NSD1: variants seen among roughly 807,000 people sequenced by gnomAD.
NSD1 encodes the protein nuclear receptor binding SET domain protein 1.
NSD1 carries 26 observed loss-of-function variants against 242.7 expected under a neutral mutation model. That is an observed-to-expected ratio of 0.11 (90% CI 0.08 to 0.15). The LOEUF is 0.15. Ranked by LOEUF, NSD1 falls within the 10% of genes least tolerant of loss-of-function variation. NSD1 has a pLI of 1.00. For missense variants in NSD1, 2,495 were observed against 3,272.8 expected (o/e 0.76, Z 5.80); for synonymous variants, 1,106 against 1,178.1 (o/e 0.94, Z 1.25).
chr5:177,135,816 A>T lies in NSD1; in HGVS notation c.713A>T (p.Asn238Ile), dbSNP rs1756273738. 1 of 1,608,418 alleles carries T rather than the reference A, an allele frequency of 6.2e-7. No individual in the cohort carries two copies. The highest frequency in any genetic ancestry group is 1.3e-5 in the African/African-American group (1 of 74,782). The change falls in exon 2 of 23, where the codon AAT (asparagine) becomes ATT (isoleucine). Residue 238 changes from asparagine to isoleucine, a missense_variant. By Grantham distance (149) the Asn-to-Ile change is moderately radical. This residue lies in a region of NSD1 where 376 missense variants were observed against 367.4 expected (regional missense o/e 1.02). Coordinates refer to ENST00000439151, the MANE Select transcript of NSD1 (RefSeq NM_022455.5). ...GCTCCTCAGACTGAAACACAGAAAA[A>T]TAAGCAAAGAAATGAAGTGGACGGC... ...PLAPQTETQKNKQRNEVDGSN... is the reference protein window; with the variant it reads ...PLAPQTETQKIKQRNEVDGSN...
Position 177,269,032 on chromosome 5 carries a change from T to G in NSD1, c.5304-570T>G, listed in dbSNP as rs1757742897. Reference sequence around the variant, plus strand: ...CTCTAGGGCATTCTCTGGAGTAAAGTAGGTAGATAGAGGTTTCCAGCTTTA... The same window carrying G: ...CTCTAGGGCATTCTCTGGAGTAAAGGAGGTAGATAGAGGTTTCCAGCTTTA... On this transcript the variant is annotated intron_variant, in intron 15 of 22. Coordinates refer to ENST00000439151, the MANE Select transcript of NSD1 (RefSeq NM_022455.5). The surrounding 1 kb of genome is among the most constrained non-coding windows in gnomAD (Gnocchi z 5.1). 6.6e-6 allele frequency among the ~76,000 whole-genome samples: 1 copy of G among 152,152 alleles called. No individual in the cohort carries two copies. The highest frequency in any genetic ancestry group is 1.5e-5 in the Non-Finnish European group (1 of 68,030).
Position 177,211,220 on chromosome 5 carries a change from C to G in NSD1, c.2821C>G (p.Arg941Gly), listed in dbSNP as rs749488131. 1 of 1,613,960 alleles carries G rather than the reference C, an allele frequency of 6.2e-7. No homozygotes were observed. The highest frequency in any genetic ancestry group is 8.5e-7 in the Non-Finnish European group (1 of 1,179,958). The change falls in exon 5 of 23, where the codon CGT becomes GGT. Residue 941 changes from arginine (R) to glycine (G), a missense_variant. Transcript: ENST00000439151. ...QNLVSYRSPG[R>G]GDCSTNSPVG... Reference sequence around the variant, plus strand: ...CCTGGTCTCTTACCGGAGTCCTGGTCGTGGGGACTGTTCTACTAATAGTCC... The same window carrying G: ...CCTGGTCTCTTACCGGAGTCCTGGTGGTGGGGACTGTTCTACTAATAGTCC...
At position 177,235,538 on chromosome 5, in the gene NSD1, T is replaced by C. The variant is rs116559875; in HGVS notation, c.3797-283T>C. On this transcript the variant is annotated intron_variant, in intron 5 of 22. Transcript: ENST00000439151. ...TTATATGTACAGGTGTCAGTGACTA[T>C]AAGACCTGGCTTTAAATTTAACCTT... Among the ~76,000 whole-genome samples, 652 of 152,346 alleles carry C rather than the reference T, an allele frequency of 4.3e-3. 3 individuals carry two copies. Among genetic ancestry groups the C allele is most frequent in the African/African-American group, 0.014 (596 of 41,582 alleles).
rs760425725 is a variant in NSD1, at chr5:177,135,340, C to T, written c.237C>T (p.Ala79=). 6.2e-7 allele frequency: 1 copy of T among 1,611,812 alleles called. No homozygotes were observed. Residue 79 remains alanine (A), a synonymous_variant, in exon 2 of 23, where the codon GCC becomes GCT. Coordinates refer to ENST00000439151, the MANE Select transcript of NSD1 (RefSeq NM_022455.5). ...YIPLRRLQDL[A]SMINVEYLNG... ...CACTGCGGAGACTACAGGATTTGGC[C>T]TCCATGATCAATGTAGAGTATTTAA...
chr5:177,259,430 C>T (rs1367617712), intron 13 of NSD1, among the ~76,000 whole-genome samples: 1 of 152,272 alleles, frequency 6.6e-6, no homozygotes, highest in Admixed American at 6.5e-5. Flanking sequence ...GAGGTCACGT[C>T]CAGCCTTGGC....
At chr5:177,246,122 C>T (rs932628228) in intron 9 of NSD1, among the ~76,000 whole-genome samples, 8 of 151,972 alleles carry the variant, frequency 5.3e-5, no homozygotes, top group African/African-American at 1.9e-4. Context: ...AGGCATGCAC[C>T]ACCATGCCTG....
At chr5:177,241,332 A>C (rs1344188871) in intron 8 of NSD1, among the ~76,000 whole-genome samples, 1 of 150,660 alleles carries the variant, frequency 6.6e-6, no homozygotes, top group Non-Finnish European at 1.5e-5. Flanking sequence ...CCCCGTCTCT[A>C]CTAATAATAC....
chr5:177,185,789 T>TA (rs1562171239), intron 2 of NSD1, among the ~76,000 whole-genome samples: 1 of 23,796 alleles, frequency 4.2e-5, no homozygotes, highest in Admixed American at 8.6e-4. Flanking sequence ...TATATGTATA[T>TA]TATATATATA....
At chr5:177,193,202 G>A (rs1266395693) in intron 3 of NSD1, among the ~76,000 whole-genome samples, 7 of 151,986 alleles carry the variant, frequency 4.6e-5, no homozygotes, top group Admixed American at 3.9e-4. Flanking sequence ...GTGCAGTGGC[G>A]TGATCTCGGC....
chr5:177,206,193 T>C (rs1762858229), intron 4 of NSD1, among the ~76,000 whole-genome samples: 1 of 152,146 alleles, frequency 6.6e-6, no homozygotes, highest in South Asian at 2.1e-4. Context: ...AGAGACAGGG[T>C]TTCACCATGT....
At chr5:177,206,609 A>G (rs1581301765) in intron 4 of NSD1, among the ~76,000 whole-genome samples, 1 of 152,204 alleles carries the variant, frequency 6.6e-6, no homozygotes, top group Non-Finnish European at 1.5e-5. Context: ...AGTATAAAAT[A>G]CTTAATATGA....
chr5:177,295,412 A>T lies in NSD1; in HGVS notation c.8044A>T (p.Asn2682Tyr). ...AGAGCAAAATACACTTCCAGCTCTT[A>T]ACCAGGCTCCTTCCAGTCACAAGTG... ...KPEQNTLPAL[N>Y]QAPSSHKCAE... The change falls in exon 23 of 23, where the codon AAC becomes TAC. Residue 2682 changes from asparagine (N) to tyrosine (Y), a missense_variant. Asn to Tyr is a moderately radical substitution (Grantham distance 143, BLOSUM62 -2). This residue lies in a region of NSD1 where 475 missense variants were observed against 563.7 expected (regional missense o/e 0.84). Transcript: ENST00000439151. The surrounding 1 kb of genome is among the most constrained non-coding windows in gnomAD (Gnocchi z 4.3). 1 of 1,614,216 alleles carries T rather than the reference A, an allele frequency of 6.2e-7. No individual in the cohort carries two copies. Among genetic ancestry groups the T allele is most frequent in the Non-Finnish European group, 8.5e-7 (1 of 1,180,038 alleles).
chr5:177,168,209 A>T (rs1759365835), intron 2 of NSD1, among the ~76,000 whole-genome samples: 1 of 152,136 alleles, frequency 6.6e-6, no homozygotes, highest in Admixed American at 6.6e-5. Context: ...AGCCTAGGTT[A>T]AATTTATTCA....
At chr5:177,138,674 T>C (rs1439213859) in intron 2 of NSD1, among the ~76,000 whole-genome samples, 5 of 148,516 alleles carry the variant, frequency 3.4e-5, no homozygotes, top group South Asian at 2.1e-4. Flanking sequence ...AGTTTCACTC[T>C]TGTTGCCCAG....
intron 3 of NSD1, among the ~76,000 whole-genome samples, chr5:177,195,611 G>A (rs1762048339): frequency 6.6e-6 from 1 of 152,162 alleles, no homozygotes; most frequent in African/African-American, 2.4e-5. Context: ...GGGGCTACAG[G>A]CATTCGCCAC....
intron 5 of NSD1, among the ~76,000 whole-genome samples, chr5:177,225,345 A>G (rs574074940): frequency 8.0e-4 from 121 of 151,898 alleles, no homozygotes; most frequent in Non-Finnish European, 1.3e-3. Context: ...GTTTCACCAT[A>G]TTGGCCAGGC....
intron 5 of NSD1, among the ~76,000 whole-genome samples, chr5:177,234,372 A>G (rs1178044272): frequency 1.3e-5 from 2 of 152,192 alleles, no homozygotes; most frequent in Admixed American, 1.3e-4. Context: ...TTGAAGGACC[A>G]GAGCAGTGTT....
At chr5:177,190,852 A>T (rs571535674) in intron 2 of NSD1, among the ~76,000 whole-genome samples, 5 of 150,368 alleles carry the variant, frequency 3.3e-5, no homozygotes, top group Admixed American at 3.3e-4. Flanking sequence ...TATTTTTAGT[A>T]GAGACGGGGT....
intron 14 of NSD1, chr5:177,264,822 T>C (rs1757287200): frequency 6.6e-6 from 5 of 754,390 alleles, no homozygotes; most frequent in East Asian, 4.9e-5. Flanking sequence ...GTAGGCCTTT[T>C]AGAAAACATG....
Sources: gnomAD v4.1 joint callset for allele counts (sites outside exome capture counted in the v4.1 genomes callset) on GRCh38, gnomAD v4.1.1 for gene constraint, gnomAD v4.1.1 regional missense constraint, Gnocchi (gnomAD v3.1) non-coding constraint, MANE v1.5 for transcripts, NCBI Gene and HGNC (gene_info 2026-07-23, HGNC 2026-07-21) for gene names.